The following CCDC195 variants were observed in gnomAD, a reference collection of about 807,000 sequenced individuals.
CCDC195 encodes coiled-coil domain containing 195.
chr2:224,710,455 A>G (rs932396543), intron 1 of CCDC195, among the ~76,000 whole-genome samples: 9 of 152,162 alleles, frequency 5.9e-5, no homozygotes, highest in Non-Finnish European at 8.8e-5. Flanking sequence ...ATCCTGGCCA[A>G]TATGAAACCC....
chr2:224,708,581 A>T (rs1023311089), intron 2 of CCDC195, among the ~76,000 whole-genome samples: 2 of 152,088 alleles, frequency 1.3e-5, no homozygotes, highest in African/African-American at 4.8e-5. Context: ...CACAATTTTC[A>T]TCCTGTCTTT....
chr2:224,710,938 G>A (rs2124851943), intron 1 of CCDC195, among the ~76,000 whole-genome samples: 1 of 152,270 alleles, frequency 6.6e-6, no homozygotes. Context: ...TGAGAATACA[G>A]CATTAGAACA....
At chr2:224,706,430 C>G (rs1464447436) in intron 2 of CCDC195, among the ~76,000 whole-genome samples, 1 of 149,288 alleles carries the variant, frequency 6.7e-6, no homozygotes, top group Non-Finnish European at 1.5e-5. Context: ...GTCTTGAACT[C>G]TTGGCCTCAG....
chr2:224,715,462 C>G (rs947419508), intron 1 of CCDC195, among the ~76,000 whole-genome samples: 1 of 152,150 alleles, frequency 6.6e-6, no homozygotes, highest in Non-Finnish European at 1.5e-5. Context: ...GCATAGCAGG[C>G]TGAATTATGT....
intron 1 of CCDC195, among the ~76,000 whole-genome samples, chr2:224,711,366 T>G (rs931005661): frequency 6.6e-6 from 1 of 151,696 alleles, no homozygotes; most frequent in Non-Finnish European, 1.5e-5. Flanking sequence ...TCCCTGTTTT[T>G]TTTTTTTTTT....
intron 1 of CCDC195, among the ~76,000 whole-genome samples, chr2:224,715,082 C>G (rs918437341): frequency 6.6e-6 from 1 of 152,112 alleles, no homozygotes; most frequent in Non-Finnish European, 1.5e-5. Context: ...GTGTGCGCCA[C>G]CACGCCTGAC....
intron 2 of CCDC195, among the ~76,000 whole-genome samples, chr2:224,705,193 C>T (rs1697227956): frequency 2.0e-5 from 3 of 152,086 alleles, no homozygotes; most frequent in African/African-American, 7.2e-5. Context: ...TGGAAGCTGC[C>T]TCCTTAAACT....
At chr2:224,714,224 G>C (rs569379879) in intron 1 of CCDC195, among the ~76,000 whole-genome samples, 1 of 152,184 alleles carries the variant, frequency 6.6e-6, no homozygotes, top group Admixed American at 6.5e-5. Flanking sequence ...TCAATTATGC[G>C]TTTAACTCTT....
At chr2:224,705,448 T>A (rs774883196) in intron 2 of CCDC195, among the ~76,000 whole-genome samples, 33 of 152,340 alleles carry the variant, frequency 2.2e-4, no homozygotes, top group Non-Finnish European at 4.4e-4. Flanking sequence ...TTAGAAATAT[T>A]GACATTGGCA....
At chr2:224,712,120 A>G (rs1215158411) in intron 1 of CCDC195, among the ~76,000 whole-genome samples, 1 of 152,212 alleles carries the variant, frequency 6.6e-6, no homozygotes, top group Non-Finnish European at 1.5e-5. Context: ...TGATTAGCAT[A>G]TAGGCTTATT....
intron 2 of CCDC195, among the ~76,000 whole-genome samples, chr2:224,708,764 T>G (rs1394653902): frequency 2.6e-5 from 4 of 152,324 alleles, no homozygotes; most frequent in African/African-American, 7.2e-5. Flanking sequence ...AACAATCATA[T>G]TTTTTGCATT....
intron 2 of CCDC195, among the ~76,000 whole-genome samples, chr2:224,708,933 G>C (rs1272469894): frequency 6.6e-6 from 1 of 152,134 alleles, no homozygotes; most frequent in Non-Finnish European, 1.5e-5. Flanking sequence ...GTGGGAGAGA[G>C]GGGGCAGTGC....
intron 2 of CCDC195, among the ~76,000 whole-genome samples, chr2:224,707,881 ACTTT>A (rs1363128146): frequency 1.3e-5 from 2 of 151,328 alleles, no homozygotes; most frequent in Admixed American, 6.6e-5. Flanking sequence ...TTTATTGGTA[ACTTT>A]CTTTCTTTCT....
intron 1 of CCDC195, among the ~76,000 whole-genome samples, chr2:224,715,449 T>A (rs1574758275): frequency 6.6e-6 from 1 of 152,354 alleles, no homozygotes; most frequent in Non-Finnish European, 1.5e-5. Context: ...AAGTCTTCAA[T>A]CTGCATAGCA....
intron 2 of CCDC195, among the ~76,000 whole-genome samples, chr2:224,707,249 G>C (rs1255169092): frequency 6.6e-6 from 1 of 152,154 alleles, no homozygotes; most frequent in Admixed American, 6.5e-5. Context: ...AAAAGAACAT[G>C]TTATCCACAC....
chr2:224,714,952 T>C (rs747023604), intron 1 of CCDC195, among the ~76,000 whole-genome samples: 1 of 152,070 alleles, frequency 6.6e-6, no homozygotes, highest in African/African-American at 2.4e-5. Flanking sequence ...CTTTTTGAGA[T>C]GGAGTCTCAC....
intron 1 of CCDC195, among the ~76,000 whole-genome samples, chr2:224,713,020 C>A (rs902920396): frequency 6.6e-6 from 1 of 152,152 alleles, no homozygotes; most frequent in Admixed American, 6.5e-5. Context: ...AGGCACGTGC[C>A]ACCACGCCCA....
At chr2:224,708,947 C>G (rs915191573) in intron 2 of CCDC195, among the ~76,000 whole-genome samples, 1 of 152,092 alleles carries the variant, frequency 6.6e-6, no homozygotes, top group Non-Finnish European at 1.5e-5. Context: ...GCAGTGCATG[C>G]TCCTGCACAG....
At chr2:224,714,223 C>T (rs1401166825) in intron 1 of CCDC195, among the ~76,000 whole-genome samples, 5 of 152,120 alleles carry the variant, frequency 3.3e-5, no homozygotes, top group African/African-American at 7.2e-5. Flanking sequence ...ATCAATTATG[C>T]GTTTAACTCT....
Sources: allele counts gnomAD v4.1 joint callset (sites outside exome capture counted in the v4.1 genomes callset), GRCh38; gene constraint gnomAD v4.1.1; transcripts MANE v1.5; gene names NCBI Gene and HGNC (gene_info 2026-07-23, HGNC 2026-07-21).